The following LMX1A variants were observed in gnomAD, a reference collection of about 807,000 sequenced individuals.
LMX1A encodes LIM homeobox transcription factor 1 alpha.
A neutral mutation model predicts 49.1 loss-of-function variants in LMX1A; 15 were observed. The observed-to-expected ratio is 0.31, with a 90% CI of 0.20 to 0.47. The LOEUF (loss-of-function observed/expected upper bound fraction) is 0.47. LMX1A is among the 20% of genes least tolerant of loss of function. LMX1A has a pLI of 1.00. For missense variants in LMX1A, 372 were observed against 475.8 expected, an observed-to-expected ratio of 0.78 and a Z score of 2.03; for synonymous variants, 167 against 185.7, an observed-to-expected ratio of 0.90 and a Z score of 0.82.
chr1:165,222,738 C>G (rs996081645), intron 4 of LMX1A, among the ~76,000 whole-genome samples: 3 of 152,208 alleles, frequency 2.0e-5, no homozygotes, highest in Non-Finnish European at 4.4e-5. Context: ...GAGCCCTTGG[C>G]TGAGACACCG....
chr1:165,276,283 C>T (rs1188996167), intron 3 of LMX1A, among the ~76,000 whole-genome samples: 1 of 152,142 alleles, frequency 6.6e-6, no homozygotes, highest in Non-Finnish European at 1.5e-5. Flanking sequence ...AGACAAGCTC[C>T]TCCTTGTCTG....
At chr1:165,318,966 T>C (rs1655298255) in intron 3 of LMX1A, among the ~76,000 whole-genome samples, 1 of 150,184 alleles carries the variant, frequency 6.7e-6, no homozygotes, top group Non-Finnish European at 1.5e-5. Flanking sequence ...AAGCTGAAAG[T>C]ATTGCAGCTG....
chr1:165,227,623 T>C (rs1326554316), intron 4 of LMX1A, among the ~76,000 whole-genome samples: 1 of 152,104 alleles, frequency 6.6e-6, no homozygotes, highest in Non-Finnish European at 1.5e-5. Flanking sequence ...TCTAGAGCTT[T>C]GAGTCAGAGA....
chr1:165,295,841 C>T (rs1469002128), intron 3 of LMX1A, among the ~76,000 whole-genome samples: 1 of 152,166 alleles, frequency 6.6e-6, no homozygotes, highest in Non-Finnish European at 1.5e-5. Context: ...CCGGGATAAA[C>T]ATAAAGTTCA....
intron 3 of LMX1A, among the ~76,000 whole-genome samples, chr1:165,276,724 T>C (rs1261243761): frequency 6.6e-6 from 1 of 151,692 alleles, no homozygotes; most frequent in Non-Finnish European, 1.5e-5. Flanking sequence ...AACTCAGACC[T>C]GAAGAGAGGA....
chr1:165,239,857 A>G (rs1168312952), intron 4 of LMX1A, among the ~76,000 whole-genome samples: 4 of 152,212 alleles, frequency 2.6e-5, no homozygotes. Flanking sequence ...CCCAGAGATG[A>G]TATCATTTGT....
intron 2 of LMX1A, 100 bp from the exon 3 acceptor site, chr1:165,353,362 C>T: frequency 1.1e-6 from 1 of 872,292 alleles, no homozygotes; most frequent in Non-Finnish European, 1.7e-6. Flanking sequence ...TCCACGGATT[C>T]CCCCAGCGCC....
In LMX1A at chr1:165,232,912, T is replaced by C. The variant is rs578026482; in HGVS notation, c.496+16496A>G. ...ACTTTGGTGAGTCAGGAAGATGTCC[T>C]TGGAGTGTCTCCACTTCTTGGACTT... On this transcript the variant is annotated intron_variant, in intron 4 of 8. Coordinates refer to ENST00000342310, the MANE Select transcript of LMX1A (RefSeq NM_177398.4). 2.0e-5 allele frequency among the ~76,000 whole-genome samples: 3 copies of C among 152,278 alleles called. No individual in the cohort carries two copies. In the South Asian group the frequency reaches 6.2e-4, roughly 32 times the overall value.
rs774075863 is a variant in LMX1A, at chr1:165,205,988, G to T, written c.864C>A (p.Asn288Lys). Residue 288 changes from asparagine to lysine, a missense_variant, in exon 8 of 9, where the codon AAC (asparagine) becomes AAA (lysine). This residue lies in a region of LMX1A where 127 missense variants were observed against 138.0 expected (regional missense o/e 0.92). Coordinates refer to ENST00000342310, the MANE Select transcript of LMX1A (RefSeq NM_177398.4). ...GTGGGGTGGGCAGAGCCGTGTAGGG[G>T]TTCATGATTCCTTCCATCCCAGCAC... ...GGSAGMEGIMNPYTALPTPQQ... is the reference protein window; with the variant it reads ...GGSAGMEGIMKPYTALPTPQQ... The T allele has an allele frequency of 3.1e-6, 5 of 1,601,978 alleles. No homozygotes were observed. Among genetic ancestry groups the T allele is most frequent in the South Asian group, 1.1e-5 (1 of 89,356 alleles).
chr1:165,257,067 A>G (rs1025700639), intron 3 of LMX1A, among the ~76,000 whole-genome samples: 1 of 152,190 alleles, frequency 6.6e-6, no homozygotes, highest in African/African-American at 2.4e-5. Context: ...CTTGTGGAGG[A>G]CAGGAAAAAG....
At chr1:165,230,191 A>G (rs913558557) in intron 4 of LMX1A, among the ~76,000 whole-genome samples, 2 of 152,166 alleles carry the variant, frequency 1.3e-5, no homozygotes, top group African/African-American at 4.8e-5. Context: ...TGAGAAATAA[A>G]TTTCAGTTGT....
intron 3 of LMX1A, among the ~76,000 whole-genome samples, chr1:165,347,107 A>T (rs1656269854): frequency 6.6e-6 from 1 of 152,228 alleles, no homozygotes; most frequent in Non-Finnish European, 1.5e-5. Flanking sequence ...GTCAAAGGAG[A>T]CTAAGGAGAA....
intron 3 of LMX1A, among the ~76,000 whole-genome samples, chr1:165,334,707 C>G (rs1382262575): frequency 2.0e-5 from 3 of 152,216 alleles, no homozygotes; most frequent in Non-Finnish European, 4.4e-5. Context: ...TTGAGAAGAA[C>G]TTCACTCCTC....
At chr1:165,224,605 T>C (rs1001113310) in intron 4 of LMX1A, among the ~76,000 whole-genome samples, 13 of 152,356 alleles carry the variant, frequency 8.5e-5, no homozygotes, top group African/African-American at 2.4e-4. Context: ...ATCATCTTTG[T>C]ATCCTCCACA....
intron 3 of LMX1A, among the ~76,000 whole-genome samples, chr1:165,317,103 T>C (rs915099777): frequency 2.0e-4 from 31 of 152,308 alleles, no homozygotes; most frequent in African/African-American, 7.5e-4. Context: ...AGCATGTCCA[T>C]CATATACAGT....
At chr1:165,287,238 G>A (rs1040587279) in intron 3 of LMX1A, among the ~76,000 whole-genome samples, 1 of 152,032 alleles carries the variant, frequency 6.6e-6, no homozygotes, top group African/African-American at 2.4e-5. Flanking sequence ...TTCTGAAGAT[G>A]GTTCGGGGGC....
chr1:165,330,144 A>C (rs964586811), intron 3 of LMX1A, among the ~76,000 whole-genome samples: 26 of 152,252 alleles, frequency 1.7e-4, no homozygotes, highest in Middle Eastern at 3.2e-3. Context: ...AAACTAAGGC[A>C]TAAGAGGTTA....
chr1:165,347,937 G>A (rs1381556354), intron 3 of LMX1A, among the ~76,000 whole-genome samples: 2 of 127,190 alleles, frequency 1.6e-5, no homozygotes, highest in African/African-American at 5.0e-5. Context: ...TGTCATTAGA[G>A]AAACAGCTCC....
chr1:165,337,923 G>A (rs1159587475), intron 3 of LMX1A, among the ~76,000 whole-genome samples: 7 of 69,290 alleles, frequency 1.0e-4, no homozygotes, highest in African/African-American at 3.8e-4. Flanking sequence ...CCCCAGAAAC[G>A]GCAACTCAAA....
Sources: gnomAD v4.1 joint callset for allele counts (sites outside exome capture counted in the v4.1 genomes callset) on GRCh38, gnomAD v4.1.1 for gene constraint, gnomAD v4.1.1 regional missense constraint, MANE v1.5 for transcripts, NCBI Gene and HGNC (gene_info 2026-07-23, HGNC 2026-07-21) for gene names.